The following CNTNAP2 variants were observed in gnomAD, a reference collection of about 807,000 sequenced individuals.
The protein encoded by CNTNAP2 is contactin-associated protein-like 2.
Under a neutral mutation model 155.2 loss-of-function variants are expected in CNTNAP2, and 98 were observed. That is an observed-to-expected ratio of 0.63 (90% CI 0.54 to 0.75). The LOEUF (loss-of-function observed/expected upper bound fraction) is 0.75, where lower values mean the gene tolerates loss of function less well. CNTNAP2 is among the 30% of genes least tolerant of loss of function. CNTNAP2 has a pLI of 0.00. For synonymous variants in CNTNAP2, 651 were observed against 631.2 expected, an observed-to-expected ratio of 1.03 and a Z score of -0.47; for missense variants, 1,727 against 1,688.1, an observed-to-expected ratio of 1.02 and a Z score of -0.40.
chr7:146,501,785 A>C (rs541753206), intron 1 of CNTNAP2, among the ~76,000 whole-genome samples: 161 of 152,240 alleles, frequency 1.1e-3, no homozygotes, highest in African/African-American at 3.8e-3. Context: ...CCTAAATCTA[A>C]TGACAAGTGT....
At chr7:147,694,630 A>C (rs1796136498) in intron 13 of CNTNAP2, among the ~76,000 whole-genome samples, 2 of 152,126 alleles carry the variant, frequency 1.3e-5, no homozygotes, top group Admixed American at 1.3e-4. Context: ...TTTTTCACAG[A>C]ATTCATTTGT....
At chr7:148,319,673 G>C (rs181272375) in intron 21 of CNTNAP2, among the ~76,000 whole-genome samples, 1 of 151,684 alleles carries the variant, frequency 6.6e-6, no homozygotes, top group Non-Finnish European at 1.5e-5. Context: ...GCACAAACCC[G>C]ATTGTGTACT....
At chr7:146,245,546 G>C (rs1799633147) in intron 1 of CNTNAP2, among the ~76,000 whole-genome samples, 1 of 152,070 alleles carries the variant, frequency 6.6e-6, no homozygotes, top group African/African-American at 2.4e-5. Context: ...TGCAGTCCTG[G>C]CTCTTGTGTA....
chr7:147,507,710 G>A lies in CNTNAP2; in HGVS notation c.1777+21669G>A, dbSNP rs145904191. ...TGGGACTACAGGTGTCTGCCACCAC[G>A]CGCGGCTAATTTTTTGTATTTTTTA... On this transcript the variant is annotated intron_variant, in intron 11 of 23. Transcript: ENST00000361727. Among the ~76,000 whole-genome samples, 225 of 151,654 alleles carry A rather than the reference G, an allele frequency of 1.5e-3. 1 individual carries two copies. The highest frequency in any genetic ancestry group is 5.2e-3 in the African/African-American group (216 of 41,366).
At chr7:148,118,537 C>T (rs1051440032) in intron 16 of CNTNAP2, among the ~76,000 whole-genome samples, 1 of 152,124 alleles carries the variant, frequency 6.6e-6, no homozygotes, top group African/African-American at 2.4e-5. Flanking sequence ...AGAGAACACA[C>T]CGCCCTGAGA....
At chr7:148,137,290 T>C (rs564711189) in intron 16 of CNTNAP2, among the ~76,000 whole-genome samples, 2 of 152,374 alleles carry the variant, frequency 1.3e-5, no homozygotes, top group South Asian at 4.1e-4. Context: ...AAATTGGTTA[T>C]GCATCTCTTG....
At chr7:146,178,837 A>C (rs572210900) in intron 1 of CNTNAP2, among the ~76,000 whole-genome samples, 1 of 152,310 alleles carries the variant, frequency 6.6e-6, no homozygotes, top group South Asian at 2.1e-4. Flanking sequence ...CTTATTACTA[A>C]GGTTAGATCA....
intron 3 of CNTNAP2, among the ~76,000 whole-genome samples, chr7:147,028,625 T>C (rs544521383): frequency 3.8e-4 from 58 of 152,328 alleles, no homozygotes; most frequent in South Asian, 2.1e-3. Context: ...TAGTAGACTG[T>C]GGCTAGACCA....
chr7:147,979,148 C>T (rs2116866931), intron 15 of CNTNAP2, among the ~76,000 whole-genome samples: 1 of 152,264 alleles, frequency 6.6e-6, no homozygotes, highest in South Asian at 2.1e-4. Context: ...ATGCCATGTT[C>T]CTAATACAAA....
chr7:147,852,153 G>C (rs1477268455), intron 13 of CNTNAP2, among the ~76,000 whole-genome samples: 1 of 152,080 alleles, frequency 6.6e-6, no homozygotes, highest in African/African-American at 2.4e-5. Context: ...TCACATGGCC[G>C]AACACTTTAC....
At chr7:148,286,771 C>T (rs1003752694) in intron 21 of CNTNAP2, among the ~76,000 whole-genome samples, 2 of 152,124 alleles carry the variant, frequency 1.3e-5, no homozygotes, top group African/African-American at 2.4e-5. Context: ...AACTTTACAG[C>T]CTTTTCAATT....
chr7:147,421,080 G>C (rs1283473867), intron 10 of CNTNAP2, among the ~76,000 whole-genome samples: 1 of 152,182 alleles, frequency 6.6e-6, no homozygotes, highest in Non-Finnish European at 1.5e-5. Flanking sequence ...TATTCAAAGA[G>C]TTTGGGTTTG....
intron 8 of CNTNAP2, among the ~76,000 whole-genome samples, chr7:147,265,581 C>T (rs1804588281): frequency 6.6e-6 from 1 of 152,194 alleles, no homozygotes; most frequent in African/African-American, 2.4e-5. Context: ...TCTTCTCCTG[C>T]TAGCTCTGAG....
At chr7:147,557,163 C>A (rs1390981329) in intron 11 of CNTNAP2, among the ~76,000 whole-genome samples, 1 of 151,950 alleles carries the variant, frequency 6.6e-6, no homozygotes, top group Admixed American at 6.6e-5. Context: ...GCTTGGGAAG[C>A]TAACGCAAGA....
chr7:146,940,559 T>C (rs1031057462), intron 3 of CNTNAP2, among the ~76,000 whole-genome samples: 6 of 152,110 alleles, frequency 3.9e-5, no homozygotes, highest in Non-Finnish European at 8.8e-5. Context: ...GTGTTTGCTG[T>C]GTGTATGTAT....
intron 21 of CNTNAP2, among the ~76,000 whole-genome samples, chr7:148,281,679 C>T (rs1486771559): frequency 1.3e-5 from 2 of 152,030 alleles, no homozygotes; most frequent in African/African-American, 4.8e-5. Flanking sequence ...CATTCTTAGA[C>T]ATTTATTGGG....
chr7:146,852,362 T>A (rs1193505110), intron 3 of CNTNAP2, among the ~76,000 whole-genome samples: 3 of 152,148 alleles, frequency 2.0e-5, no homozygotes, highest in Non-Finnish European at 4.4e-5. Flanking sequence ...CGACTACTTA[T>A]ATATGACTCT....
At chr7:147,095,535 A>T (rs1269636785) in intron 4 of CNTNAP2, among the ~76,000 whole-genome samples, 2 of 151,428 alleles carry the variant, frequency 1.3e-5, no homozygotes, top group African/African-American at 2.4e-5. Flanking sequence ...ATATATATAT[A>T]TTTTCTTTTT....
chr7:147,750,622 A>G (rs1285261834), intron 13 of CNTNAP2, among the ~76,000 whole-genome samples: 1 of 152,240 alleles, frequency 6.6e-6, no homozygotes, highest in African/African-American at 2.4e-5. Flanking sequence ...CATGAGAACA[A>G]GGTCTACTAA....
Sources: allele counts gnomAD v4.1 joint callset (sites outside exome capture counted in the v4.1 genomes callset), GRCh38; gene constraint gnomAD v4.1.1; transcripts MANE v1.5; gene names NCBI Gene and HGNC (gene_info 2026-07-23, HGNC 2026-07-21).